The following PDZD2 variants were observed in gnomAD, a reference collection of about 807,000 sequenced individuals.
PDZD2 encodes the protein PDZ domain-containing protein 2.
A neutral mutation model predicts 220.7 loss-of-function variants in PDZD2; 90 were observed. The observed-to-expected ratio is 0.41, with a 90% CI of 0.34 to 0.49. PDZD2 has a LOEUF of 0.49. PDZD2 is among the 20% of genes least tolerant of loss of function. The pLI is 0.28. For synonymous variants in PDZD2, 1,375 were observed against 1,450.5 expected (o/e 0.95, Z 1.18); for missense variants, 3,174 against 3,608.5 (o/e 0.88, Z 3.08).
At chr5:31,806,658 T>C (rs191749075) in intron 2 of PDZD2, among the ~76,000 whole-genome samples, 2 of 152,236 alleles carry the variant, frequency 1.3e-5, no homozygotes, top group Non-Finnish European at 2.9e-5. Context: ...CTTTCTGGAA[T>C]GTTCTACTTA....
At position 32,098,754 on chromosome 5, in the gene PDZD2, C is replaced by T. The variant is rs762677982; in HGVS notation, c.8218+120C>T. ...TCTAGATCTGAAAAATTAAATGTAG[C>T]GAAGTCTAGTGTGTTTGGATGCTGC... On this transcript the variant is annotated intron_variant, in intron 23 of 24. Coordinates refer to ENST00000438447, the MANE Select transcript of PDZD2 (RefSeq NM_178140.4). The surrounding 1 kb of genome is among the most constrained non-coding windows in gnomAD (Gnocchi z 4.1). 6 of 929,502 alleles carry T rather than the reference C, an allele frequency of 6.5e-6. No homozygotes were observed. The highest frequency in any genetic ancestry group is 1.8e-5 in the South Asian group (1 of 57,048). 57.6% of individuals were successfully genotyped at this position (929,502 alleles called of 1,614,324 possible).
At chr5:31,762,803 G>A (rs1051653773) in intron 1 of PDZD2, among the ~76,000 whole-genome samples, 2 of 152,216 alleles carry the variant, frequency 1.3e-5, no homozygotes, top group East Asian at 3.9e-4. Context: ...GGAGGATATT[G>A]TAAATTGGGA....
chr5:31,785,146 C>G (rs1753305722), intron 1 of PDZD2, among the ~76,000 whole-genome samples: 1 of 152,056 alleles, frequency 6.6e-6, no homozygotes, highest in Middle Eastern at 3.2e-3. Flanking sequence ...ATCCTGCCCA[C>G]TTAGTAATTG....
At chr5:31,735,265 G>A (rs980017861) in intron 1 of PDZD2, among the ~76,000 whole-genome samples, 14 of 152,192 alleles carry the variant, frequency 9.2e-5, no homozygotes, top group African/African-American at 2.2e-4. Context: ...CACAGCTCAC[G>A]CACTATTTTT....
rs573258249 is a variant in PDZD2, at chr5:32,072,388, C to T, written c.2725+71C>T. 85 of 1,231,878 alleles carry T rather than the reference C, an allele frequency of 6.9e-5. No homozygotes were observed. In the African/African-American group the frequency reaches 1.1e-3, roughly 16 times the overall value. The allele number at this position is 1,231,878 out of a possible 1,614,324, so 76.3% of individuals were successfully genotyped here. A position where few individuals can be genotyped will look rare whatever the true frequency, so the allele number is the denominator to read the frequency against. On this transcript the variant is annotated intron_variant, in intron 17 of 24. Coordinates refer to ENST00000438447, the MANE Select transcript of PDZD2 (RefSeq NM_178140.4). ...GCAGTGACTGGTTTCCACCTCTGTG[C>T]TGGCGGCTACAATGGTTTAGCTACC...
At chr5:31,892,200 G>A (rs990865473) in intron 2 of PDZD2, among the ~76,000 whole-genome samples, 5 of 151,690 alleles carry the variant, frequency 3.3e-5, no homozygotes, top group African/African-American at 9.7e-5. Flanking sequence ...ATGAGACACT[G>A]TGCCTGGCCC....
At chr5:31,674,804 C>T (rs953636674) in intron 1 of PDZD2, among the ~76,000 whole-genome samples, 2 of 150,926 alleles carry the variant, frequency 1.3e-5, no homozygotes, top group Non-Finnish European at 3.0e-5. Context: ...GCTCTATTTT[C>T]CATTATTTCA....
At chr5:31,791,761 C>T (rs1753744151) in intron 1 of PDZD2, among the ~76,000 whole-genome samples, 1 of 152,124 alleles carries the variant, frequency 6.6e-6, no homozygotes, top group South Asian at 2.1e-4. Flanking sequence ...CAGCTAGGGT[C>T]AACACTTTCC....
chr5:31,875,597 A>AATAT (rs1226762142), intron 2 of PDZD2, among the ~76,000 whole-genome samples: 4 of 141,470 alleles, frequency 2.8e-5, no homozygotes, highest in African/African-American at 7.9e-5. Context: ...AAAAAAAAAA[A>AATAT]ATATATATAT....
At chr5:31,802,280 C>CGG (rs1754435666) in intron 2 of PDZD2, among the ~76,000 whole-genome samples, 1 of 152,126 alleles carries the variant, frequency 6.6e-6, no homozygotes, top group South Asian at 2.1e-4. Context: ...ATCTGTGAGA[C>CGG]ACTTTTTTAT....
chr5:31,675,011 G>A (rs1235257011), intron 1 of PDZD2, among the ~76,000 whole-genome samples: 11 of 152,214 alleles, frequency 7.2e-5, no homozygotes, highest in African/African-American at 2.7e-4. Flanking sequence ...TGGGAACCGG[G>A]TGCTGTGGAG....
chr5:31,866,322 G>A (rs752252202), intron 2 of PDZD2, among the ~76,000 whole-genome samples: 2 of 152,148 alleles, frequency 1.3e-5, no homozygotes, highest in Non-Finnish European at 2.9e-5. Context: ...TCTTGAAGTA[G>A]AATAATAACA....
chr5:31,923,001 T>C (rs955579798), intron 2 of PDZD2, among the ~76,000 whole-genome samples: 10 of 145,944 alleles, frequency 6.9e-5, no homozygotes, highest in African/African-American at 2.3e-4. Context: ...CCTTCAAAAA[T>C]GCGCTTGCAG....
At chr5:31,786,776 C>T (rs1308995988) in intron 1 of PDZD2, among the ~76,000 whole-genome samples, 2 of 152,106 alleles carry the variant, frequency 1.3e-5, no homozygotes, top group African/African-American at 2.4e-5. Flanking sequence ...TGCCTGGGGC[C>T]GTACAGCTAG....
At chr5:31,930,811 T>C (rs1745215006) in intron 2 of PDZD2, among the ~76,000 whole-genome samples, 1 of 152,138 alleles carries the variant, frequency 6.6e-6, no homozygotes, top group Admixed American at 6.5e-5. Context: ...GGCTCAGGCC[T>C]GTAATCCCAG....
intron 2 of PDZD2, among the ~76,000 whole-genome samples, chr5:31,913,208 G>A (rs1381865724): frequency 6.6e-6 from 1 of 152,134 alleles, no homozygotes; most frequent in African/African-American, 2.4e-5. Context: ...GGGCGTGGTG[G>A]CACATGCCTG....
intron 14 of PDZD2, among the ~76,000 whole-genome samples, chr5:32,067,170 T>C (rs182088967): frequency 1.8e-3 from 278 of 152,378 alleles, no homozygotes; most frequent in African/African-American, 6.4e-3. Flanking sequence ...TTTCTTTTCT[T>C]CTGTTTCTCA....
At chr5:31,872,676 G>T (rs988876358) in intron 2 of PDZD2, among the ~76,000 whole-genome samples, 13 of 152,118 alleles carry the variant, frequency 8.5e-5, no homozygotes, top group African/African-American at 2.9e-4. Flanking sequence ...AACCATGGCT[G>T]CCCCCAAACT....
At position 32,098,531 on chromosome 5, in the gene PDZD2, G is replaced by T; in HGVS notation, c.8115G>T (p.Lys2705Asn). Residue 2705 changes from lysine to asparagine, a missense_variant, in exon 23 of 25, where the codon AAG (lysine) becomes AAT (asparagine). Lys to Asn is a moderately conservative substitution (Grantham distance 94). Transcript: ENST00000438447. The surrounding 1 kb of genome is among the most constrained non-coding windows in gnomAD (Gnocchi z 4.1). Reference protein sequence around the residue: ...QLHKDALVVIKKGMDQPRPSA... With the variant: ...QLHKDALVVINKGMDQPRPSA... The stretch of plus-strand genomic sequence containing the variant: ...ACAAAGATGCCCTCGTGGTCATCAA[G>T]AAAGGGATGGATCAGCCCAGGCCCT... 6.2e-7 allele frequency: 1 copy of T among 1,614,170 alleles called. No individual in the cohort carries two copies. The highest frequency in any genetic ancestry group is 8.5e-7 in the Non-Finnish European group (1 of 1,180,010).
Sources: gnomAD v4.1 joint callset for allele counts (sites outside exome capture counted in the v4.1 genomes callset) on GRCh38, gnomAD v4.1.1 for gene constraint, Gnocchi (gnomAD v3.1) non-coding constraint, MANE v1.5 for transcripts, NCBI Gene and HGNC (gene_info 2026-07-23, HGNC 2026-07-21) for gene names.